The following VIPAS39 variants were observed in gnomAD, a reference collection of about 807,000 sequenced individuals.
The protein encoded by VIPAS39 is spermatogenesis-defective protein 39 homolog.
VIPAS39 carries 63 observed loss-of-function variants against 84.7 expected under a neutral mutation model. The observed-to-expected ratio is 0.74, with a 90% CI of 0.61 to 0.92. VIPAS39 has a LOEUF of 0.92. Ranked by LOEUF, VIPAS39 falls within the 40% of genes least tolerant of loss-of-function variation. The pLI, the probability that VIPAS39 is intolerant of heterozygous loss-of-function variation, is 0.00. For missense variants in VIPAS39, 499 were observed against 604.5 expected (o/e 0.83, Z 1.83); for synonymous variants, 192 against 216.5 (o/e 0.89, Z 0.99).
chr14:77,442,770 C>T (rs909215206), intron 9 of VIPAS39, 108 bp from the exon 10 acceptor site: 19 of 1,037,914 alleles, frequency 1.8e-5, no homozygotes, highest in Non-Finnish European at 2.7e-5. Flanking sequence ...CAAACCCTAA[C>T]AAAAGCTAAG....
rs374379030 is a variant in VIPAS39 at position 77,437,892 on chromosome 14, C to T, written c.763-11G>A. ...TCGATAATGAGATAGCTACAAAAAG[C>T]AGAAAAAGGCTTTGAGGTATTTTGT... On this transcript the variant is annotated splice_polypyrimidine_tract_variant and intron_variant, in intron 11 of 19. Coordinates refer to ENST00000557658, the MANE Select transcript of VIPAS39 (RefSeq NM_001193315.2). 3.1e-6 allele frequency: 5 copies of T among 1,613,752 alleles called. No homozygotes were observed. The highest frequency in any genetic ancestry group is 1.3e-5 in the African/African-American group (1 of 74,880).
At position 77,443,257 on chromosome 14, in the gene VIPAS39, T is replaced by G. The variant is rs1034381009; in HGVS notation, c.598-105A>C. On this transcript the variant is annotated intron_variant, in intron 8 of 19. Transcript: ENST00000557658. ...AACTCATTAGCAATCTCTGAAGGTATAGCCAACAGCTCTGTATGTGATGCA... is the reference window on the plus strand; with the variant it reads ...AACTCATTAGCAATCTCTGAAGGTAGAGCCAACAGCTCTGTATGTGATGCA... The G allele has an allele frequency of 3.0e-6, 4 of 1,342,784 alleles. No homozygotes were observed. In the Admixed American group the frequency reaches 5.2e-5, roughly 17 times the overall value. The allele number at this position is 1,342,784 out of a possible 1,614,324, so 83.2% of individuals were successfully genotyped here. A position where few individuals can be genotyped will look rare whatever the true frequency, so the allele number is the denominator to read the frequency against.
At chr14:77,433,125 T>G (rs2078549618) in intron 16 of VIPAS39, among the ~76,000 whole-genome samples, 1 of 152,170 alleles carries the variant, frequency 6.6e-6, no homozygotes, top group African/African-American at 2.4e-5. Flanking sequence ...TAGCTATAAA[T>G]AACTAATTTA....
At chr14:77,429,950 T>C (rs1026144726) in intron 16 of VIPAS39, among the ~76,000 whole-genome samples, 183 bp from the exon 17 acceptor site, 2 of 152,174 alleles carry the variant, frequency 1.3e-5, no homozygotes, top group Non-Finnish European at 1.5e-5. Context: ...TGGAAATGAA[T>C]CAGGTTTGAA....
At chr14:77,427,711 C>T in intron 19 of VIPAS39, 75 bp from the exon 20 acceptor site, 1 of 1,571,684 alleles carries the variant, frequency 6.4e-7, no homozygotes, top group South Asian at 1.1e-5. Context: ...GAAAATGCAA[C>T]AAAACAAGGC....
At chr14:77,448,137 G>C (rs1199333995) in intron 7 of VIPAS39, among the ~76,000 whole-genome samples, 3 of 151,606 alleles carry the variant, frequency 2.0e-5, no homozygotes, top group Non-Finnish European at 4.4e-5. Context: ...TATATTTTTA[G>C]TACAGATGGG....
At position 77,441,084 on chromosome 14, in the gene VIPAS39, A is replaced by G; in HGVS notation, c.744T>C (p.Asp248=). The change falls in exon 11 of 20, where the codon GAT becomes GAC. Residue 248 remains aspartate, a synonymous_variant. Transcript: ENST00000557658. ...KLLLDLFRFL[D]RTEELALSHY... The stretch of plus-strand genomic sequence containing the variant: ...CACTTACCGCAAGCTCTTCTGTTCT[A>G]TCTAGGAACCTGGGAAGAAGCAGAA... 6.2e-7 allele frequency: 1 copy of G among 1,611,508 alleles called. No homozygotes were observed. Among genetic ancestry groups the G allele is most frequent in the Non-Finnish European group, 8.5e-7 (1 of 1,179,660 alleles).
chr14:77,441,162 C>A, intron 10 of VIPAS39, 69 bp from the exon 11 acceptor site: 1 of 1,565,254 alleles, frequency 6.4e-7, no homozygotes, highest in South Asian at 1.1e-5. Flanking sequence ...CTCACAAAAT[C>A]GAGTGCCTCC....
intron 7 of VIPAS39, among the ~76,000 whole-genome samples, chr14:77,448,245 C>T (rs1303924325): frequency 1.3e-5 from 2 of 152,176 alleles, no homozygotes; most frequent in Non-Finnish European, 2.9e-5. Flanking sequence ...TGAGCCACCA[C>T]CCCTGGCCCT....
chr14:77,443,995 C>T (rs1215434693), intron 8 of VIPAS39, among the ~76,000 whole-genome samples: 1 of 150,094 alleles, frequency 6.7e-6, no homozygotes, highest in Non-Finnish European at 1.5e-5. Flanking sequence ...GAGCCATCAT[C>T]ACACCACTGC....
chr14:77,435,739 A>G (rs1412566937), intron 13 of VIPAS39, 105 bp downstream of exon 13: 2 of 1,284,454 alleles, frequency 1.6e-6, no homozygotes, highest in South Asian at 1.2e-5. Flanking sequence ...GGCTTTTAGA[A>G]ACCAGTAAGA....
chr14:77,453,522 G>T (rs984558930), intron 2 of VIPAS39, 121 bp from the exon 3 acceptor site: 3 of 908,732 alleles, frequency 3.3e-6, no homozygotes, highest in East Asian at 2.4e-5. Flanking sequence ...CTGTGCAATC[G>T]AAAGCCTAGC....
chr14:77,451,768 A>G (rs2078885543), intron 3 of VIPAS39, among the ~76,000 whole-genome samples: 1 of 152,114 alleles, frequency 6.6e-6, no homozygotes, highest in Non-Finnish European at 1.5e-5. Flanking sequence ...TAAGAGTACT[A>G]CAAATTAAAA....
At chr14:77,452,080 C>G (rs2078890908) in intron 3 of VIPAS39, among the ~76,000 whole-genome samples, 1 of 151,894 alleles carries the variant, frequency 6.6e-6, no homozygotes, top group South Asian at 2.1e-4. Context: ...CAACAGTGGG[C>G]TGGCTAAAAA....
rs2078586685 is a variant in VIPAS39, at chr14:77,435,120, G to A, written c.1047+139C>T. On this transcript the variant is annotated intron_variant, in intron 14 of 19. Coordinates refer to ENST00000557658, the MANE Select transcript of VIPAS39 (RefSeq NM_001193315.2). ...CAGATGAGGCCCTCTTACCCCTGGT[G>A]AGGGCCAGGAAAGCTTCCAGGTGGA... 4.4e-6 allele frequency: 6 copies of A among 1,368,076 alleles called. No homozygotes were observed. The East Asian group carries it at 1.2e-4, about 26-fold the overall frequency. 84.7% of individuals were successfully genotyped at this position (1,368,076 alleles called of 1,614,324 possible). A position where few individuals can be genotyped will look rare whatever the true frequency, so the allele number is the denominator to read the frequency against.
intron 16 of VIPAS39, among the ~76,000 whole-genome samples, chr14:77,431,245 C>T (rs2078517463): frequency 6.6e-6 from 1 of 152,140 alleles, no homozygotes; most frequent in African/African-American, 2.4e-5. Flanking sequence ...GAAAGGCAGC[C>T]TATGGATTAG....
At position 77,444,232 on chromosome 14, in the gene VIPAS39, C is replaced by T. The variant is rs754990552; in HGVS notation, c.597+17G>A. 1.1e-5 allele frequency: 18 copies of T among 1,609,976 alleles called. No individual in the cohort carries two copies. The highest frequency in any genetic ancestry group is 1.5e-5 in the Non-Finnish European group (18 of 1,176,696). On this transcript the variant is annotated intron_variant, in intron 8 of 19. Coordinates refer to ENST00000557658, the MANE Select transcript of VIPAS39 (RefSeq NM_001193315.2). Reference sequence around the variant, plus strand: ...AAAACAATAATTAAACAAACAACAACAAATCCGACAACTCACTGCAGTAAT... The same window carrying T: ...AAAACAATAATTAAACAAACAACAATAAATCCGACAACTCACTGCAGTAAT...
intron 11 of VIPAS39, among the ~76,000 whole-genome samples, chr14:77,438,448 C>T (rs1445147487): frequency 6.6e-6 from 1 of 152,170 alleles, no homozygotes; most frequent in Non-Finnish European, 1.5e-5. Context: ...AGGCTGGTCT[C>T]GAACTCCAGA....
Position 77,453,994 on chromosome 14 carries a change from T to C in VIPAS39, c.93+16A>G. 2 of 1,613,770 alleles carry C rather than the reference T, an allele frequency of 1.2e-6. No homozygotes were observed. Among genetic ancestry groups the C allele is most frequent in the Non-Finnish European group, 1.7e-6 (2 of 1,179,706 alleles). On this transcript the variant is annotated intron_variant, in intron 2 of 19. Transcript: ENST00000557658. ...GGCACTGTGGAGAAGAGTACAAACT[T>C]CAGCAGTTGACCTACCTGTGAAAGC... is the stretch of plus-strand genomic sequence containing the variant.
Sources: gnomAD v4.1 joint callset for allele counts (sites outside exome capture counted in the v4.1 genomes callset) on GRCh38, gnomAD v4.1.1 for gene constraint, MANE v1.5 for transcripts, NCBI Gene and HGNC (gene_info 2026-07-23, HGNC 2026-07-21) for gene names.